The following CDV3 variants were observed in gnomAD, a reference collection of about 807,000 sequenced individuals.
The protein encoded by CDV3 is protein CDV3 homolog.
Under a neutral mutation model 24.5 loss-of-function variants are expected in CDV3, and 14 were observed. The observed-to-expected ratio is 0.57, with a 90% CI of 0.38 to 0.89. The LOEUF (loss-of-function observed/expected upper bound fraction) is 0.89, where lower values mean the gene tolerates loss of function less well. Among genes scored for constraint, CDV3 ranks in the 40% least tolerant of loss-of-function variants. The pLI, the probability that CDV3 is intolerant of heterozygous loss-of-function variation, is 0.00. For synonymous variants in CDV3, 114 were observed against 114.1 expected, an observed-to-expected ratio of 1.00 and a Z score of 0.00; for missense variants, 304 against 310.2, an observed-to-expected ratio of 0.98 and a Z score of 0.15.
chr3:133,584,406 T>C (rs1473011357), intron 3 of CDV3, among the ~76,000 whole-genome samples: 4 of 152,188 alleles, frequency 2.6e-5, no homozygotes, highest in Non-Finnish European at 4.4e-5. Flanking sequence ...TCGATTCCAG[T>C]TTCATTTATT....
rs770281299 is a variant in CDV3 at position 133,584,081 on chromosome 3, G to T, written c.397G>T (p.Gly133Cys). Residue 133 changes from glycine to cysteine, a missense_variant, in exon 3 of 5, where the codon GGT (glycine) becomes TGT (cysteine). Physicochemically the swap from Gly to Cys is radical, Grantham distance 159. Transcript: ENST00000264993. ...NWEEGGGGGG[G>C]MEKSSGPWNK... Reference sequence around the variant, plus strand: ...GGAAGAAGGTGGAGGTGGTGGTGGAGGTATGGAAAAATCTTCAGGTCCCTG... The same window carrying T: ...GGAAGAAGGTGGAGGTGGTGGTGGATGTATGGAAAAATCTTCAGGTCCCTG... 1.2e-6 allele frequency: 2 copies of T among 1,611,048 alleles called. No homozygotes were observed. Among genetic ancestry groups the T allele is most frequent in the South Asian group, 2.2e-5 (2 of 90,978 alleles).
At chr3:133,581,123 C>T (rs1184897915) in intron 2 of CDV3, among the ~76,000 whole-genome samples, 1 of 152,110 alleles carries the variant, frequency 6.6e-6, no homozygotes, top group Admixed American at 6.5e-5. Context: ...TGGCTCACTC[C>T]TGTAATCCCA....
Position 133,575,041 on chromosome 3 carries a change from C to T in CDV3, c.243C>T (p.Asp81=), listed in dbSNP as rs143356085. The T allele has an allele frequency of 8.4e-5, 134 of 1,590,928 alleles. No homozygotes were observed. Among genetic ancestry groups the T allele is most frequent in the Non-Finnish European group, 1.1e-4 (123 of 1,159,198 alleles). The change falls in exon 2 of 5, where the codon GAC becomes GAT. Residue 81 remains aspartate, a splice_region_variant and synonymous_variant. Coordinates refer to ENST00000264993, the MANE Select transcript of CDV3 (RefSeq NM_017548.5). ...PGAATKAVTK[D]EDEWKELEQK... ...ATCAAATGGCGTTTGTTTTACAGGA[C>T]GAAGATGAATGGAAAGAATTGGAGC...
chr3:133,586,585 G>A lies in CDV3; in HGVS notation c.489G>A (p.Ala163=), dbSNP rs756324344. 14 of 1,591,540 alleles carry A rather than the reference G, an allele frequency of 8.8e-6. No individual in the cohort carries two copies. Among genetic ancestry groups the A allele is most frequent in the East Asian group, 2.2e-5 (1 of 44,748 alleles). ...PVIVTETPEP[A]MTSGVYRPPG... is the part of the protein sequence containing the mutation. ...TAGTTACAGAAACCCCAGAACCAGCGATGACTAGTGGTGTGTATAGGCCTC... is the reference window on the plus strand; with the variant it reads ...TAGTTACAGAAACCCCAGAACCAGCAATGACTAGTGGTGTGTATAGGCCTC... The change falls in exon 4 of 5, where the codon GCG becomes GCA. Residue 163 remains alanine, a synonymous_variant. Transcript: ENST00000264993.
intron 2 of CDV3, among the ~76,000 whole-genome samples, chr3:133,576,841 C>CTTTTTTTTTCTTTTTTTTTTTT (rs2074828274): frequency 1.6e-5 from 1 of 62,388 alleles, no homozygotes; most frequent in African/African-American, 6.8e-5. Context: ...GGTAGACTAG[C>CTTTTTTTTTCTTTTTTTTTTTT]TTTTTTTTTT....
intron 2 of CDV3, among the ~76,000 whole-genome samples, chr3:133,582,343 G>A (rs1343115915): frequency 6.6e-6 from 1 of 152,050 alleles, no homozygotes. Context: ...GTGGAGATGG[G>A]GTTTTGCCAT....
rs547702862 is a variant in CDV3 at position 133,589,958 on chromosome 3, T to G, written c.*1912T>G. ...AACTGTGCATTTTCCCTGCATTTTT[T>G]CCCAACAAAATTTTGTTGGGGGTTA... On this transcript the variant is annotated 3_prime_UTR_variant, in exon 5 of 5. Transcript: ENST00000264993. The G allele has an allele frequency of 6.6e-6, 1 of 152,224 alleles. No homozygotes were observed. Among genetic ancestry groups the G allele is most frequent in the Non-Finnish European group, 1.5e-5 (1 of 68,046 alleles). The allele number at this position is 152,224 out of a possible 1,614,324, so 9.4% of individuals were successfully genotyped here.
At chr3:133,581,005 G>A (rs1477411798) in intron 2 of CDV3, among the ~76,000 whole-genome samples, 2 of 151,990 alleles carry the variant, frequency 1.3e-5, no homozygotes, top group African/African-American at 2.4e-5. Flanking sequence ...GCAAGGAGAT[G>A]TTAGACACTA....
chr3:133,581,041 G>A (rs1352147184), intron 2 of CDV3, among the ~76,000 whole-genome samples: 1 of 152,028 alleles, frequency 6.6e-6, no homozygotes, highest in Non-Finnish European at 1.5e-5. Context: ...ACTTCCAGTT[G>A]AGATACTGTC....
chr3:133,587,679 G>T (rs1933756943), intron 4 of CDV3: 8 of 1,310,780 alleles, frequency 6.1e-6, no homozygotes, highest in Non-Finnish European at 6.8e-6. Flanking sequence ...ATACTGTTCA[G>T]TAGAAGATAG....
chr3:133,580,042 A>G (rs978108449), intron 2 of CDV3, among the ~76,000 whole-genome samples: 1 of 152,218 alleles, frequency 6.6e-6, no homozygotes, highest in Non-Finnish European at 1.5e-5. Context: ...ACATAGGTAT[A>G]TATGTGCCAT....
intron 2 of CDV3, among the ~76,000 whole-genome samples, chr3:133,576,238 G>C (rs527996524): frequency 6.6e-6 from 1 of 152,238 alleles, no homozygotes; most frequent in African/African-American, 2.4e-5. Context: ...TTTCAGGAAC[G>C]ATGGCTTCTC....
chr3:133,584,234 T>C, intron 3 of CDV3, 84 bp downstream of exon 3: 2 of 998,678 alleles, frequency 2.0e-6, no homozygotes, highest in Non-Finnish European at 1.5e-6. Context: ...AGTGCATGAT[T>C]GTGGTAGGGT....
At chr3:133,578,629 G>C (rs2074905772) in intron 2 of CDV3, among the ~76,000 whole-genome samples, 1 of 152,238 alleles carries the variant, frequency 6.6e-6, no homozygotes, top group Non-Finnish European at 1.5e-5. Context: ...GGTCAGGAAA[G>C]ATTCTTTGGA....
chr3:133,582,944 T>G (rs542183489), intron 2 of CDV3, among the ~76,000 whole-genome samples: 1 of 152,254 alleles, frequency 6.6e-6, no homozygotes, highest in African/African-American at 2.4e-5. Flanking sequence ...ACTTGGTAAT[T>G]TAGGACATGT....
chr3:133,574,834 C>T (rs1295552445), intron 1 of CDV3: 3 of 753,372 alleles, frequency 4.0e-6, no homozygotes, highest in African/African-American at 3.6e-5. Flanking sequence ...TGCAGGAACC[C>T]AGCGGAAGTA....
intron 2 of CDV3, 132 bp downstream of exon 2, chr3:133,575,247 G>A (rs1401849499): frequency 8.7e-6 from 5 of 574,760 alleles, no homozygotes; most frequent in Non-Finnish European, 1.3e-5. Flanking sequence ...GACTCAAATG[G>A]GTTCTGTCTA....
In CDV3 at chr3:133,588,030, A is replaced by T. The variant is rs1226527493; in HGVS notation, c.761A>T (p.His254Leu). 1 of 1,613,406 alleles carries T rather than the reference A, an allele frequency of 6.2e-7. No individual in the cohort carries two copies. Among genetic ancestry groups the T allele is most frequent in the Non-Finnish European group, 8.5e-7 (1 of 1,179,874 alleles). ...GTGCTTGAAAATCAGAAAAGCAGCC[A>T]CTCACAATACAATTAAGGAATGGGC... is the stretch of plus-strand genomic sequence containing the variant. ...YAVLENQKSS[H>L]SQYN Residue 254 changes from histidine to leucine, a missense_variant, in exon 5 of 5, where the codon CAC becomes CTC. His to Leu is a moderately conservative substitution (Grantham distance 99). This residue lies in a region of CDV3 where 56 missense variants were observed against 50.9 expected (regional missense o/e 1.10). Transcript: ENST00000264993.
chr3:133,585,015 T>G (rs1933438791), intron 3 of CDV3, among the ~76,000 whole-genome samples: 2 of 152,242 alleles, frequency 1.3e-5, no homozygotes, highest in African/African-American at 4.8e-5. Context: ...ACTCCAAATC[T>G]TGTTATGCAG....
Sources: allele counts gnomAD v4.1 joint callset (sites outside exome capture counted in the v4.1 genomes callset), GRCh38; gene constraint gnomAD v4.1.1; regional missense constraint gnomAD v4.1.1; transcripts MANE v1.5; gene names NCBI Gene and HGNC (gene_info 2026-07-23, HGNC 2026-07-21).